GLRX5: variants seen among roughly 807,000 people sequenced by gnomAD.
GLRX5 encodes glutaredoxin-related protein 5, mitochondrial.
A neutral mutation model predicts 13.8 loss-of-function variants in GLRX5; 10 were observed. That is an observed-to-expected ratio of 0.72 (90% CI 0.45 to 1.23). GLRX5 has a LOEUF of 1.23. Ranked by LOEUF, GLRX5 falls within the 50% of genes most tolerant of loss-of-function variation. The probability of loss-of-function intolerance (pLI) is 0.00; values close to 1 mark genes in which losing one functional copy is unlikely to be tolerated. For synonymous variants in GLRX5, 98 were observed against 101.1 expected (o/e 0.97, Z 0.18); for missense variants, 233 against 215.2 (o/e 1.08, Z -0.52).
At chr14:95,540,377 T>C (rs551294293) in intron 1 of GLRX5, among the ~76,000 whole-genome samples, 1 of 152,214 alleles carries the variant, frequency 6.6e-6, no homozygotes, top group Non-Finnish European at 1.5e-5. Flanking sequence ...ATTTCATTCC[T>C]TAGATATCAT....
At chr14:95,538,058 G>A (rs1367382556) in intron 1 of GLRX5, among the ~76,000 whole-genome samples, 1 of 151,690 alleles carries the variant, frequency 6.6e-6, no homozygotes, top group Non-Finnish European at 1.5e-5. Flanking sequence ...TGTAATTTAT[G>A]GAAACTATTG....
Position 95,544,251 on chromosome 14 carries a change from C to A in GLRX5, c.*126C>A. The A allele has an allele frequency of 1.3e-6, 1 of 762,162 alleles. No individual in the cohort carries two copies. Among genetic ancestry groups the A allele is most frequent in the South Asian group, 1.5e-5 (1 of 66,660 alleles). The allele number at this position is 762,162 out of a possible 1,614,324, so 47.2% of individuals were successfully genotyped here. The stretch of plus-strand genomic sequence containing the variant: ...ACTGCTTGCACTGATCATTTTGGTT[C>A]GTGAGCAGTTGGTGATTTTAGTTGG... On this transcript the variant is annotated 3_prime_UTR_variant, in exon 2 of 2. Coordinates refer to ENST00000331334, the MANE Select transcript of GLRX5 (RefSeq NM_016417.3).
intron 1 of GLRX5, among the ~76,000 whole-genome samples, chr14:95,540,800 C>T (rs895341209): frequency 3.3e-5 from 5 of 152,168 alleles, no homozygotes; most frequent in Admixed American, 6.5e-5. Flanking sequence ...ATGCTGCTCT[C>T]GTAATTTAGT....
chr14:95,539,774 G>A (rs959358272), intron 1 of GLRX5, among the ~76,000 whole-genome samples: 2 of 152,142 alleles, frequency 1.3e-5, no homozygotes, highest in African/African-American at 2.4e-5. Flanking sequence ...CTTATGTAAA[G>A]TAGGGATAAT....
chr14:95,538,205 C>A (rs11850898), intron 1 of GLRX5, among the ~76,000 whole-genome samples: 33,619 of 151,872 alleles, frequency 0.22, 3,849 homozygotes, highest in East Asian at 0.35. Flanking sequence ...CTGTGTGTAC[C>A]GCTTATGCAA....
At chr14:95,539,935 G>T (rs1010793566) in intron 1 of GLRX5, among the ~76,000 whole-genome samples, 1 of 151,318 alleles carries the variant, frequency 6.6e-6, no homozygotes, top group African/African-American at 2.4e-5. Flanking sequence ...CTGCTGCCTA[G>T]GCTGAAGTGC....
chr14:95,535,298 G>A lies in GLRX5; in HGVS notation c.209G>A (p.Ser70Asn). 2 of 1,562,558 alleles carry A rather than the reference G, an allele frequency of 1.3e-6. No individual in the cohort carries two copies. Among genetic ancestry groups the A allele is most frequent in the Non-Finnish European group, 1.7e-6 (2 of 1,153,976 alleles). The change falls in exon 1 of 2, where the codon AGC becomes AAC. Residue 70 changes from serine (S) to asparagine (N), a missense_variant. Physicochemically the swap from Ser to Asn is conservative, Grantham distance 46 (BLOSUM62 1). Transcript: ENST00000331334. ...CCGGAGCAGCCCCAGTGCGGCTTCA[G>A]CAACGCCGTGGTGCAGATCCTGCGG... The part of the protein sequence containing the change: ...GTPEQPQCGF[S>N]NAVVQILRLH...
In GLRX5 at chr14:95,544,107, A is replaced by G. The variant is rs1487014681; in HGVS notation, c.456A>G (p.Lys152=). 1.2e-6 allele frequency: 2 copies of G among 1,614,132 alleles called. No individual in the cohort carries two copies. The change falls in exon 2 of 2, where the codon AAA becomes AAG. Residue 152 remains lysine, a synonymous_variant. Coordinates refer to ENST00000331334, the MANE Select transcript of GLRX5 (RefSeq NM_016417.3). The part of the protein sequence containing the change: ...GIHSALLDEK[K]DQDSK ...ACTCCGCCCTTTTAGATGAAAAGAA[A>G]GACCAAGACTCCAAGTGAGGGCGGC...
At position 95,544,198 on chromosome 14, in the gene GLRX5, C is replaced by A; in HGVS notation, c.*73C>A. ...GACTCACTGCCAGAAAAGCCTTACCCATTTTGGTTTTCACTATTGAGACCG... is the reference window on the plus strand; with the variant it reads ...GACTCACTGCCAGAAAAGCCTTACCAATTTTGGTTTTCACTATTGAGACCG... On this transcript the variant is annotated 3_prime_UTR_variant, in exon 2 of 2. Coordinates refer to ENST00000331334, the MANE Select transcript of GLRX5 (RefSeq NM_016417.3). 2 of 1,414,248 alleles carry A rather than the reference C, an allele frequency of 1.4e-6. No individual in the cohort carries two copies. Among genetic ancestry groups the A allele is most frequent in the South Asian group, 1.2e-5 (1 of 83,460 alleles). The allele number at this position is 1,414,248 out of a possible 1,614,324, so 87.6% of individuals were successfully genotyped here. A position where few individuals can be genotyped will look rare whatever the true frequency, so the allele number is the denominator to read the frequency against.
Position 95,538,980 on chromosome 14 carries a change from G to A in GLRX5, c.295+3596G>A, listed in dbSNP as rs11852011. On this transcript the variant is annotated intron_variant, in intron 1 of 1. Coordinates refer to ENST00000331334, the MANE Select transcript of GLRX5 (RefSeq NM_016417.3). Reference sequence around the variant, plus strand: ...GTCCCCAACCCCCAGGCCAGGGATCGAGGACTTACAGCAGGAGGTAAGCGG... The same window carrying A: ...GTCCCCAACCCCCAGGCCAGGGATCAAGGACTTACAGCAGGAGGTAAGCGG... Among the ~76,000 whole-genome samples the A allele has an allele frequency of 5.8e-3, 878 of 152,342 alleles. 8 individuals are homozygous for A. The highest frequency in any genetic ancestry group is 0.02 in the African/African-American group (838 of 41,572).
rs569336771 is a variant in GLRX5, at chr14:95,535,062, C to T, written c.-28C>T. ...TGGGTGGCCAGCTGTGGGCCCGGGCCGTCGTGGGCTCCGGCTTGCGTGCGG... is the reference window on the plus strand; with the variant it reads ...TGGGTGGCCAGCTGTGGGCCCGGGCTGTCGTGGGCTCCGGCTTGCGTGCGG... On this transcript the variant is annotated 5_prime_UTR_variant, in exon 1 of 2. Transcript: ENST00000331334. 12 of 1,328,828 alleles carry T rather than the reference C, an allele frequency of 9.0e-6. No homozygotes were observed. The East Asian group carries it at 2.8e-4, about 31-fold the overall frequency. 82.3% of individuals were successfully genotyped at this position (1,328,828 alleles called of 1,614,324 possible).
intron 1 of GLRX5, among the ~76,000 whole-genome samples, chr14:95,542,694 G>T (rs531977876): frequency 1.3e-5 from 2 of 152,154 alleles, no homozygotes; most frequent in East Asian, 1.9e-4. Context: ...TGACTTTTCC[G>T]TTTTGTTTAT....
Position 95,535,696 on chromosome 14 carries a change from T to G in GLRX5, c.295+312T>G, listed in dbSNP as rs114846347. Among the ~76,000 whole-genome samples the G allele has an allele frequency of 2.5e-3, 386 of 152,312 alleles. 3 individuals are homozygous for G. The highest frequency in any genetic ancestry group is 7.9e-3 in the African/African-American group (330 of 41,570). On this transcript the variant is annotated intron_variant, in intron 1 of 1. Transcript: ENST00000331334. ...TAGGCGTTTCGGGGCGATTTGTCAA[T>G]GACTGACTCGGAGGAGGGTGGCCCG...
intron 1 of GLRX5, chr14:95,543,338 AATT>A: frequency 8.9e-6 from 2 of 224,960 alleles, no homozygotes; most frequent in South Asian, 5.0e-5. Context: ...AATTGTTAAA[AATT>A]AAAAAAAAAA....
intron 1 of GLRX5, among the ~76,000 whole-genome samples, chr14:95,538,342 C>T (rs1891416673): frequency 6.6e-6 from 1 of 152,172 alleles, no homozygotes; most frequent in African/African-American, 2.4e-5. Context: ...CATTGTAGTC[C>T]TTGCATCTGG....
chr14:95,543,025 C>T, intron 1 of GLRX5: 2 of 456,096 alleles, frequency 4.4e-6, no homozygotes, highest in Non-Finnish European at 8.8e-6. Flanking sequence ...GCTGCGCTGT[C>T]ACAGAGTGTC....
At chr14:95,541,901 T>C (rs1187384748) in intron 1 of GLRX5, among the ~76,000 whole-genome samples, 1 of 152,196 alleles carries the variant, frequency 6.6e-6, no homozygotes, top group Non-Finnish European at 1.5e-5. Context: ...TCAGTAAAAA[T>C]TGATTATCAT....
chr14:95,535,477 G>A, intron 1 of GLRX5, 93 bp downstream of exon 1: 1 of 1,258,830 alleles, frequency 7.9e-7, no homozygotes, highest in Non-Finnish European at 1.1e-6. Flanking sequence ...GGGCTGGGGA[G>A]CGGGGCTCCA....
intron 1 of GLRX5, 90 bp from the exon 2 acceptor site, chr14:95,543,857 T>A (rs1298286640): frequency 2.7e-6 from 3 of 1,125,950 alleles, no homozygotes; most frequent in Non-Finnish European, 4.1e-6. Flanking sequence ...CAGTGGGTTG[T>A]CTGCTACTAG....
Sources: allele counts gnomAD v4.1 joint callset (sites outside exome capture counted in the v4.1 genomes callset), GRCh38; gene constraint gnomAD v4.1.1; transcripts MANE v1.5; gene names NCBI Gene and HGNC (gene_info 2026-07-23, HGNC 2026-07-21).